The following NEFH variants were observed in gnomAD, a reference collection of about 807,000 sequenced individuals.
The protein encoded by NEFH is neurofilament heavy chain, also known as neurofilament heavy polypeptide.
NEFH carries 58 observed loss-of-function variants against 56.6 expected under a neutral mutation model. The ratio of observed to expected loss-of-function variants is 1.03; its 90% CI spans 0.83 to 1.28. The LOEUF is 1.28. Ranked by LOEUF, NEFH falls within the 50% of genes most tolerant of loss-of-function variation. The pLI is 0.00. For missense variants in NEFH, 1,221 were observed against 1,307.6 expected, an observed-to-expected ratio of 0.93 and a Z score of 1.02; for synonymous variants, 542 against 545.8, an observed-to-expected ratio of 0.99 and a Z score of 0.10.
Position 29,489,936 on chromosome 22 carries a change from G to C in NEFH, c.2296G>C (p.Ala766Pro). The change falls in exon 4 of 4, where the codon GCC (alanine) becomes CCC (proline). Residue 766 changes from alanine to proline, a missense_variant. Physicochemically the swap from Ala to Pro is conservative, Grantham distance 27. Transcript: ENST00000310624. ...GACTCTTGATGTGAAGTCTCCAGAA[G>C]CCAAGACTCCAGCGAAGGAGGAAGC... ...AKTLDVKSPE[A>P]KTPAKEEARS... 6.2e-7 allele frequency: 1 copy of C among 1,613,312 alleles called. No individual in the cohort carries two copies. Among genetic ancestry groups the C allele is most frequent in the Non-Finnish European group, 8.5e-7 (1 of 1,179,862 alleles).
In NEFH at chr22:29,480,928, G is replaced by T. The variant is rs1265207233; in HGVS notation, c.666G>T (p.Ala222=). The T allele has an allele frequency of 4.6e-6, 7 of 1,520,254 alleles. No individual in the cohort carries two copies. In the East Asian group the frequency reaches 1.3e-4, roughly 28 times the overall value. The allele number at this position is 1,520,254 out of a possible 1,614,324, so 94.2% of individuals were successfully genotyped here. ...TGGACCTGCAGAAGAAGGCGCAGGC[G>T]CTGCAGGAGGAGTGCGGCTACCTGC... The part of the protein sequence containing the change: ...ARVDLQKKAQ[A]LQEECGYLRR... Residue 222 remains alanine, a synonymous_variant, in exon 1 of 4, where the codon GCG becomes GCT. Coordinates refer to ENST00000310624, the MANE Select transcript of NEFH (RefSeq NM_021076.4).
chr22:29,490,617 A>G lies in NEFH; in HGVS notation c.2977A>G (p.Lys993Glu), dbSNP rs1203041302. The G allele has an allele frequency of 8.1e-6, 13 of 1,614,128 alleles. No homozygotes were observed. The highest frequency in any genetic ancestry group is 1.7e-5 in the Admixed American group (1 of 59,998). ...AGAGCCTAGCAAGCCTAAGGCAGAA[A>G]AGGCTGAAAAATCCTCCAGCACAGA... is the stretch of plus-strand genomic sequence containing the variant. ...SKEPSKPKAEKAEKSSSTDQK... is the reference protein window; with the variant it reads ...SKEPSKPKAEEAEKSSSTDQK... Residue 993 changes from lysine (K) to glutamate (E), a missense_variant, in exon 4 of 4, where the codon AAG becomes GAG. Coordinates refer to ENST00000310624, the MANE Select transcript of NEFH (RefSeq NM_021076.4).
Position 29,480,239 on chromosome 22 carries a change from C to A in NEFH, c.-24C>A. The stretch of plus-strand genomic sequence containing the variant: ...TGCCGCAGTGCCTCCCGCCCCGTCC[C>A]GGCCTCGCGCACCTGCTCAGGCCAT... On this transcript the variant is annotated 5_prime_UTR_variant, in exon 1 of 4. Coordinates refer to ENST00000310624, the MANE Select transcript of NEFH (RefSeq NM_021076.4). The A allele has an allele frequency of 1.3e-6, 2 of 1,495,956 alleles. No homozygotes were observed. Among genetic ancestry groups the A allele is most frequent in the Admixed American group, 4.4e-5 (2 of 45,080 alleles). The allele number at this position is 1,495,956 out of a possible 1,614,324, so 92.7% of individuals were successfully genotyped here.
Position 29,489,241 on chromosome 22 carries a change from A to C in NEFH, c.1601A>C (p.Glu534Ala). ...TCACCGGCTGAGGCCAAGTCCCCAG[A>C]GAAGGAGGAAGCAAAATCCCCAGCC... ...AKSPAEAKSPEKEEAKSPAEV... is the reference protein window; with the variant it reads ...AKSPAEAKSPAKEEAKSPAEV... Residue 534 changes from glutamate (E) to alanine (A), a missense_variant, in exon 4 of 4, where the codon GAG becomes GCG. Coordinates refer to ENST00000310624, the MANE Select transcript of NEFH (RefSeq NM_021076.4). 6.2e-7 allele frequency: 1 copy of C among 1,612,590 alleles called. No individual in the cohort carries two copies. Among genetic ancestry groups the C allele is most frequent in the Non-Finnish European group, 8.5e-7 (1 of 1,179,552 alleles).
chr22:29,485,787 G>C lies in NEFH; in HGVS notation c.1148G>C (p.Arg383Pro). The change falls in exon 3 of 4, where the codon CGA (arginine) becomes CCA (proline). Residue 383 changes from arginine to proline, a missense_variant. Physicochemically the swap from Arg to Pro is moderately radical, Grantham distance 103. Coordinates refer to ENST00000310624, the MANE Select transcript of NEFH (RefSeq NM_021076.4). ...AAGTGGGAGATGGCCGCCCAGCTGC[G>C]AGAATACCAGGACCTGCTCAATGTC... Reference protein sequence around the residue: ...NTKWEMAAQLREYQDLLNVKM... With the variant: ...NTKWEMAAQLPEYQDLLNVKM... 6.2e-7 allele frequency: 1 copy of C among 1,614,220 alleles called. No homozygotes were observed. The highest frequency in any genetic ancestry group is 8.5e-7 in the Non-Finnish European group (1 of 1,180,024).
chr22:29,483,314 C>G (rs9613923), intron 1 of NEFH, 61 bp from the exon 2 acceptor site: 1 of 1,335,842 alleles, frequency 7.5e-7, no homozygotes. Flanking sequence ...AGAAAAAAAT[C>G]TGGGCATTAG....
At chr22:29,483,631 C>G in intron 2 of NEFH, 57 bp downstream of exon 2, 2 of 1,560,154 alleles carry the variant, frequency 1.3e-6, no homozygotes, top group Non-Finnish European at 1.8e-6. Flanking sequence ...TAGCCCTGGA[C>G]AAGTTACTGT....
At position 29,489,429 on chromosome 22, in the gene NEFH, G is replaced by T; in HGVS notation, c.1789G>T (p.Glu597Ter). The change falls in exon 4 of 4, where the codon GAG becomes TAG. Residue 597 changes from glutamate (E) to a stop codon, truncating the protein, a stop_gained. Coordinates refer to ENST00000310624, the MANE Select transcript of NEFH (RefSeq NM_021076.4). LOFTEE classifies it low-confidence loss of function (END_TRUNC). ...PAKEEAKSPA[E>*]AKSPEKAKSP... ...AAAGGAAGAGGCAAAGTCACCGGCT[G>T]AGGCCAAGTCTCCAGAGAAGGCCAA... 1 of 1,610,022 alleles carries T rather than the reference G, an allele frequency of 6.2e-7. No homozygotes were observed. The highest frequency in any genetic ancestry group is 8.5e-7 in the Non-Finnish European group (1 of 1,178,946).
chr22:29,487,745 A>G (rs2063052545), intron 3 of NEFH, among the ~76,000 whole-genome samples: 1 of 152,162 alleles, frequency 6.6e-6, no homozygotes, highest in Non-Finnish European at 1.5e-5. Flanking sequence ...GTGCTGCTAA[A>G]TTTGGGAAGT....
Position 29,480,743 on chromosome 22 carries a change from G to A in NEFH, c.481G>A (p.Gly161Ser). The stretch of plus-strand genomic sequence containing the variant: ...GATGCGCGGCGCGGTGCTGCGCCTG[G>A]GCGCGGCGCGCGGTCAGCTACGCCT... ...REMRGAVLRL[G>S]AARGQLRLEQ... Residue 161 changes from glycine to serine, a missense_variant, in exon 1 of 4, where the codon GGC becomes AGC. This residue lies in a region of NEFH where 640 missense variants were observed against 555.5 expected (regional missense o/e 1.15). Transcript: ENST00000310624. 6.9e-7 allele frequency: 1 copy of A among 1,452,356 alleles called. No homozygotes were observed. Among genetic ancestry groups the A allele is most frequent in the Admixed American group, 2.8e-5 (1 of 35,822 alleles). The allele number at this position is 1,452,356 out of a possible 1,614,324, so 90.0% of individuals were successfully genotyped here.
In NEFH at chr22:29,489,131, A is replaced by G. The variant is rs768232202; in HGVS notation, c.1491A>G (p.Gly497=). Residue 497 remains glycine (G), a synonymous_variant, in exon 4 of 4, where the codon GGA becomes GGG. Transcript: ENST00000310624. ...EGGEEEEAEG[G]EEETKSPPAE... ...GTGAAGAAGAGGAGGCAGAAGGGGG[A>G]GAAGAAGAAACAAAGTCTCCCCCAG... The G allele has an allele frequency of 1.2e-6, 2 of 1,613,572 alleles. No individual in the cohort carries two copies. Among genetic ancestry groups the G allele is most frequent in the South Asian group, 1.1e-5 (1 of 91,040 alleles).
rs752972149 is a variant in NEFH at position 29,490,139 on chromosome 22, G to A, written c.2499G>A (p.Val833=). ...AGGAGGAGGAGAAGCCCCAGGAGGT[G>A]AAAGTCAAAGAGCCCCCAAAGAAGG... ...PVKEEEKPQE[V]KVKEPPKKAE... Residue 833 remains valine (V), a synonymous_variant, in exon 4 of 4, where the codon GTG becomes GTA. Coordinates refer to ENST00000310624, the MANE Select transcript of NEFH (RefSeq NM_021076.4). The A allele has an allele frequency of 3.1e-6, 5 of 1,613,796 alleles. No homozygotes were observed. Among genetic ancestry groups the A allele is most frequent in the Non-Finnish European group, 4.2e-6 (5 of 1,179,960 alleles).
intron 1 of NEFH, 55 bp downstream of exon 1, chr22:29,481,200 T>G: frequency 6.6e-7 from 1 of 1,507,008 alleles, no homozygotes; most frequent in Non-Finnish European, 8.9e-7. Flanking sequence ...CGCAGCGAAC[T>G]TTTGGGCTGC....
chr22:29,482,647 G>A (rs1252377764), intron 1 of NEFH, among the ~76,000 whole-genome samples: 1 of 152,202 alleles, frequency 6.6e-6, no homozygotes, highest in Non-Finnish European at 1.5e-5. Context: ...AAGGTCACAA[G>A]CTCATTAACT....
rs532661463 is a variant in NEFH at position 29,488,756 on chromosome 22, C to T, written c.1209-93C>T. On this transcript the variant is annotated intron_variant, in intron 3 of 3. Coordinates refer to ENST00000310624, the MANE Select transcript of NEFH (RefSeq NM_021076.4). ...CTGTTCCACCAAAACCCATATCATT[C>T]GATGTCAGTGACCTTCAGGATAGTC... 6.4e-5 allele frequency: 75 copies of T among 1,178,252 alleles called. No individual in the cohort carries two copies. In the African/African-American group the frequency reaches 1.0e-3, roughly 16 times the overall value. 73.0% of individuals were successfully genotyped at this position (1,178,252 alleles called of 1,614,324 possible). A position where few individuals can be genotyped will look rare whatever the true frequency, so the allele number is the denominator to read the frequency against.
intron 1 of NEFH, among the ~76,000 whole-genome samples, chr22:29,482,309 A>G (rs2063016324): frequency 6.6e-6 from 1 of 152,162 alleles, no homozygotes; most frequent in South Asian, 2.1e-4. Flanking sequence ...TGGCCCACTC[A>G]GCTGGCTTCC....
chr22:29,480,720 T>TGCGCG lies in NEFH; in HGVS notation c.465_469dup (p.Val157AlafsTer31), dbSNP rs1569194329. 2 of 1,508,438 alleles carry TGCGCG rather than the reference T, an allele frequency of 1.3e-6. No individual in the cohort carries two copies. The highest frequency in any genetic ancestry group is 1.2e-5 in the South Asian group (1 of 80,080). The allele number at this position is 1,508,438 out of a possible 1,614,324, so 93.4% of individuals were successfully genotyped here. The stretch of plus-strand genomic sequence containing the variant: ...CTGTACGAGCGCGAGGTCCGCGAGA[T>TGCGCG]GCGCGGCGCGGTGCTGCGCCTGGGC... On this transcript the variant is annotated frameshift_variant, in exon 1 of 4. Coordinates refer to ENST00000310624, the MANE Select transcript of NEFH (RefSeq NM_021076.4). LOFTEE classifies it high-confidence loss of function.
At chr22:29,487,327 C>T (rs1259107883) in intron 3 of NEFH, among the ~76,000 whole-genome samples, 1 of 152,128 alleles carries the variant, frequency 6.6e-6, no homozygotes, top group Non-Finnish European at 1.5e-5. Flanking sequence ...CATTCAAGAG[C>T]TTATCAGAAA....
chr22:29,480,851 G>T lies in NEFH; in HGVS notation c.589G>T (p.Ala197Ser). Residue 197 changes from alanine (A) to serine (S), a missense_variant, in exon 1 of 4, where the codon GCG becomes TCG. Transcript: ENST00000310624. Reference protein sequence around the residue: ...DEARQREEAEAAARALARFAQ... With the variant: ...DEARQREEAESAARALARFAQ... ...GGCCCGGCAGCGAGAGGAGGCCGAG[G>T]CGGCGGCCCGCGCGCTGGCGCGCTT... The T allele has an allele frequency of 7.2e-7, 1 of 1,394,718 alleles. No individual in the cohort carries two copies. The highest frequency in any genetic ancestry group is 9.2e-7 in the Non-Finnish European group (1 of 1,087,042). 86.4% of individuals were successfully genotyped at this position (1,394,718 alleles called of 1,614,324 possible). A position where few individuals can be genotyped will look rare whatever the true frequency, so the allele number is the denominator to read the frequency against.
Sources: gnomAD v4.1 joint callset for allele counts (sites outside exome capture counted in the v4.1 genomes callset) on GRCh38, gnomAD v4.1.1 for gene constraint, gnomAD v4.1.1 regional missense constraint, MANE v1.5 for transcripts, NCBI Gene and HGNC (gene_info 2026-07-23, HGNC 2026-07-21) for gene names.